NNT: variants seen among roughly 807,000 people sequenced by gnomAD.
NNT encodes the protein nicotinamide nucleotide transhydrogenase, also known as NAD(P) transhydrogenase, mitochondrial.
A neutral mutation model predicts 104.8 loss-of-function variants in NNT; 50 were observed. The ratio of observed to expected loss-of-function variants is 0.48; its 90% CI spans 0.38 to 0.60. The LOEUF (loss-of-function observed/expected upper bound fraction) is 0.60, where lower values mean the gene tolerates loss of function less well. NNT is among the 20% of genes least tolerant of loss of function. The pLI is 0.00. For synonymous variants in NNT, 461 were observed against 490.4 expected (o/e 0.94, Z 0.79); for missense variants, 1,131 against 1,330.7 (o/e 0.85, Z 2.33).
chr5:43,626,995 A>C (rs534236229), intron 6 of NNT, among the ~76,000 whole-genome samples: 63 of 152,264 alleles, frequency 4.1e-4, no homozygotes, highest in African/African-American at 1.4e-3. Flanking sequence ...TGGAACACCA[A>C]CTCAGATTGG....
At chr5:43,661,875 G>A (rs1227635885) in intron 17 of NNT, among the ~76,000 whole-genome samples, 2 of 152,038 alleles carry the variant, frequency 1.3e-5, no homozygotes, top group African/African-American at 4.8e-5. Context: ...AAACATATGT[G>A]TGCATGTGTC....
At chr5:43,622,792 G>T (rs1289193577) in intron 5 of NNT, among the ~76,000 whole-genome samples, 11 of 151,452 alleles carry the variant, frequency 7.3e-5, no homozygotes, top group Non-Finnish European at 1.0e-4. Context: ...TTTACTCCAT[G>T]CTTTAGAGAG....
intron 19 of NNT, among the ~76,000 whole-genome samples, chr5:43,692,048 G>T (rs774783326): frequency 5.9e-5 from 9 of 152,152 alleles, no homozygotes; most frequent in Admixed American, 3.3e-4. Context: ...ATTATCTGGG[G>T]AGAAAACAAA....
chr5:43,687,888 A>C (rs552410208), intron 19 of NNT, among the ~76,000 whole-genome samples: 1 of 152,344 alleles, frequency 6.6e-6, no homozygotes, highest in South Asian at 2.1e-4. Context: ...TTAAAGCCTC[A>C]AGATGGTAGC....
chr5:43,615,923 A>G lies in NNT; in HGVS notation c.457A>G (p.Ser153Gly), dbSNP rs760390039. Residue 153 changes from serine (S) to glycine (G), a missense_variant, in exon 4 of 22, where the codon AGT becomes GGT. Coordinates refer to ENST00000344920, the MANE Select transcript of NNT (RefSeq NM_182977.3). ...DLLKTSGTLI[S>G]FIYPAQNPEL... is the part of the protein sequence containing the mutation. ...TTTAAAGACATCAGGAACGCTGATTAGTTTTATTTACCCAGCCCAAAATCC... is the reference window on the plus strand; with the variant it reads ...TTTAAAGACATCAGGAACGCTGATTGGTTTTATTTACCCAGCCCAAAATCC... 2 of 1,614,070 alleles carry G rather than the reference A, an allele frequency of 1.2e-6. No individual in the cohort carries two copies. The highest frequency in any genetic ancestry group is 1.7e-6 in the Non-Finnish European group (2 of 1,180,012).
At chr5:43,634,448 A>AT (rs1241720719) in intron 7 of NNT, among the ~76,000 whole-genome samples, 1 of 152,156 alleles carries the variant, frequency 6.6e-6, no homozygotes, top group African/African-American at 2.4e-5. Flanking sequence ...AAAAGTAAGG[A>AT]TTTATTATTC....
chr5:43,608,972 T>C (rs1749362327), intron 1 of NNT, among the ~76,000 whole-genome samples, 171 bp from the exon 2 acceptor site: 1 of 152,246 alleles, frequency 6.6e-6, no homozygotes, highest in Non-Finnish European at 1.5e-5. Flanking sequence ...AAAACGAATT[T>C]TGAGCATCTT....
chr5:43,606,916 C>A (rs1171125172), intron 1 of NNT, among the ~76,000 whole-genome samples: 1 of 152,166 alleles, frequency 6.6e-6, no homozygotes, highest in Non-Finnish European at 1.5e-5. Context: ...ATTTCCATTA[C>A]CAATGCTGCT....
chr5:43,681,803 T>C (rs896936793), intron 19 of NNT, among the ~76,000 whole-genome samples: 4 of 152,230 alleles, frequency 2.6e-5, no homozygotes, highest in African/African-American at 9.6e-5. Context: ...TGCTAGGTAC[T>C]GAGCATACAA....
chr5:43,648,183 G>C, intron 10 of NNT: 8 of 1,074,428 alleles, frequency 7.4e-6, no homozygotes, highest in Non-Finnish European at 9.1e-6. Flanking sequence ...TGATATGTGG[G>C]TAGGAAAATA....
rs1004345166 is a variant in NNT at position 43,666,978 on chromosome 5, G to A, written c.2634+7628G>A. 128 of 1,594,514 alleles carry A rather than the reference G, an allele frequency of 8.0e-5. 2 individuals are homozygous for A. In the Admixed American group the frequency reaches 2.1e-3, roughly 26 times the overall value. ...CGAGCTTGCGGCTGACACCCTTTGG[G>A]ATCTTGGGCTTAACCTCCTTGGGCT... On this transcript the variant is annotated intron_variant, in intron 17 of 21. Transcript: ENST00000344920.
intron 1 of NNT, among the ~76,000 whole-genome samples, chr5:43,605,379 G>A (rs1234967530): frequency 6.6e-6 from 1 of 150,810 alleles, no homozygotes; most frequent in East Asian, 1.9e-4. Context: ...AGCCGGGCGC[G>A]GTGGCGGGCG....
rs554766614 is a variant in NNT, at chr5:43,640,808, C to G, written c.965-3384C>G. ...TGAGAATTGTAATATATACATTTTTCATATATATCATATATACACATATAT... is the reference window on the plus strand; with the variant it reads ...TGAGAATTGTAATATATACATTTTTGATATATATCATATATACACATATAT... On this transcript the variant is annotated intron_variant, in intron 7 of 21. Coordinates refer to ENST00000344920, the MANE Select transcript of NNT (RefSeq NM_182977.3). Among the ~76,000 whole-genome samples the G allele has an allele frequency of 8.6e-5, 13 of 150,508 alleles. No homozygotes were observed. In the South Asian group the frequency reaches 1.0e-3, roughly 12 times the overall value.
intron 19 of NNT, among the ~76,000 whole-genome samples, chr5:43,691,126 G>T (rs992522347): frequency 6.6e-6 from 1 of 150,680 alleles, no homozygotes; most frequent in Non-Finnish European, 1.5e-5. Flanking sequence ...TTGAGATGGA[G>T]TCTCGCTCTG....
At chr5:43,626,963 A>G (rs1000926132) in intron 6 of NNT, among the ~76,000 whole-genome samples, 6 of 152,160 alleles carry the variant, frequency 3.9e-5, no homozygotes, top group Non-Finnish European at 5.9e-5. Context: ...TTAAAGAACT[A>G]TATCCCTATG....
rs1388033136 is a variant in NNT at position 43,675,671 on chromosome 5, G to A, written c.2794+1G>A. ...GCTAATAGCATTATTATTACACCAG[G>A]TAAAGAAAAAAAGCAAAAGCAAATA... is the stretch of plus-strand genomic sequence containing the variant. On this transcript the variant is annotated splice_donor_variant, in intron 18 of 21. Transcript: ENST00000344920. LOFTEE classifies it high-confidence loss of function. The A allele has an allele frequency of 6.3e-7, 1 of 1,577,316 alleles. No individual in the cohort carries two copies. The highest frequency in any genetic ancestry group is 1.4e-5 in the African/African-American group (1 of 73,152).
intron 17 of NNT, among the ~76,000 whole-genome samples, chr5:43,665,076 A>G (rs540232905): frequency 6.6e-6 from 1 of 152,222 alleles, no homozygotes; most frequent in South Asian, 2.1e-4. Flanking sequence ...TTAGAATAAA[A>G]TGGTTTATTT....
At chr5:43,603,640 G>A (rs1749048568) in intron 1 of NNT, among the ~76,000 whole-genome samples, 1 of 152,114 alleles carries the variant, frequency 6.6e-6, no homozygotes, top group African/African-American at 2.4e-5. Flanking sequence ...TTGCAGCTTT[G>A]GGGGACAGCG....
intron 17 of NNT, among the ~76,000 whole-genome samples, chr5:43,666,224 T>G (rs1740667070): frequency 6.6e-6 from 1 of 152,140 alleles, no homozygotes; most frequent in South Asian, 2.1e-4. Context: ...CTCGGCACTT[T>G]GGGAGGCCAA....
Sources: allele counts gnomAD v4.1 joint callset (sites outside exome capture counted in the v4.1 genomes callset), GRCh38; gene constraint gnomAD v4.1.1; transcripts MANE v1.5; gene names NCBI Gene and HGNC (gene_info 2026-07-23, HGNC 2026-07-21).